MTUS1: variants seen among roughly 807,000 people sequenced by gnomAD.
MTUS1 encodes the protein microtubule-associated tumor suppressor 1.
A neutral mutation model predicts 120.8 loss-of-function variants in MTUS1; 109 were observed. The ratio of observed to expected loss-of-function variants is 0.90; its 90% CI spans 0.77 to 1.06. The LOEUF (loss-of-function observed/expected upper bound fraction) is 1.06, where lower values mean the gene tolerates loss of function less well. Ranked by LOEUF, MTUS1 falls within the 50% of genes least tolerant of loss-of-function variation. The pLI is 0.00. For synonymous variants in MTUS1, 737 were observed against 550.5 expected, an observed-to-expected ratio of 1.34 and a Z score of -4.74; for missense variants, 2,210 against 1,486.3, an observed-to-expected ratio of 1.49 and a Z score of -8.01.
chr8:17,794,988 G>A (rs1215577138), intron 1 of MTUS1, among the ~76,000 whole-genome samples: 1 of 152,072 alleles, frequency 6.6e-6, no homozygotes, highest in East Asian at 1.9e-4. Context: ...AAACATTAAG[G>A]AAAATAAATT....
intron 1 of MTUS1, among the ~76,000 whole-genome samples, chr8:17,797,998 G>A (rs77347792): frequency 0.039 from 6,000 of 152,032 alleles, 400 homozygotes; most frequent in African/African-American, 0.14. Context: ...TTTTAACTAC[G>A]TATGCAGTAC....
intron 1 of MTUS1, among the ~76,000 whole-genome samples, chr8:17,776,926 G>A (rs573684540): frequency 6.6e-6 from 1 of 152,136 alleles, no homozygotes; most frequent in East Asian, 1.9e-4. Flanking sequence ...CGCTTTCGGA[G>A]AGCAATTTCA....
intron 6 of MTUS1, among the ~76,000 whole-genome samples, chr8:17,710,311 C>T (rs1205337959): frequency 6.6e-6 from 1 of 152,192 alleles, no homozygotes; most frequent in Non-Finnish European, 1.5e-5. Flanking sequence ...GGAGTCAATC[C>T]TCTCAAACCC....
intron 1 of MTUS1, among the ~76,000 whole-genome samples, chr8:17,770,103 T>C (rs117751608): frequency 1.3e-5 from 2 of 152,316 alleles, no homozygotes; most frequent in Admixed American, 6.5e-5. Flanking sequence ...TGTAATAATA[T>C]ACAACATTTT....
chr8:17,769,222 G>C (rs1432395547), intron 1 of MTUS1, among the ~76,000 whole-genome samples: 1 of 125,410 alleles, frequency 8.0e-6, no homozygotes, highest in Non-Finnish European at 1.6e-5. Flanking sequence ...TCCAAAAAAT[G>C]CTTTTATTCC....
chr8:17,714,049 C>T (rs1020920798), intron 5 of MTUS1, among the ~76,000 whole-genome samples: 2 of 152,158 alleles, frequency 1.3e-5, no homozygotes, highest in East Asian at 1.9e-4. Context: ...TATCAAAGTT[C>T]AACAGCGTTA....
chr8:17,782,842 C>G (rs1271415568), intron 1 of MTUS1, among the ~76,000 whole-genome samples: 1 of 152,206 alleles, frequency 6.6e-6, no homozygotes, highest in Non-Finnish European at 1.5e-5. Flanking sequence ...CTTTGGGAGA[C>G]AGAGGTGGGT....
intron 1 of MTUS1, among the ~76,000 whole-genome samples, chr8:17,796,093 G>T (rs2052203861): frequency 6.6e-6 from 1 of 151,898 alleles, no homozygotes; most frequent in African/African-American, 2.4e-5. Flanking sequence ...GGGATTACAG[G>T]CGCCCACCAC....
chr8:17,736,491 G>A (rs2046938345), intron 3 of MTUS1, among the ~76,000 whole-genome samples: 1 of 152,180 alleles, frequency 6.6e-6, no homozygotes. Flanking sequence ...CCTTTCAGGT[G>A]TTTGCCCAAA....
chr8:17,674,895 A>T, intron 8 of MTUS1: 1 of 1,217,646 alleles, frequency 8.2e-7, no homozygotes. Context: ...TTTAACAGGA[A>T]TTCACACAAT....
intron 9 of MTUS1, among the ~76,000 whole-genome samples, 192 bp downstream of exon 9, chr8:17,655,671 C>A (rs927088427): frequency 6.6e-6 from 1 of 152,056 alleles, no homozygotes; most frequent in African/African-American, 2.4e-5. Context: ...CTGCAGTGAG[C>A]CAAGATCAAG....
At chr8:17,792,633 G>T (rs191966671) in intron 1 of MTUS1, among the ~76,000 whole-genome samples, 9 of 152,360 alleles carry the variant, frequency 5.9e-5, no homozygotes, top group African/African-American at 2.2e-4. Context: ...GAAGGACAAG[G>T]TGGACAGATC....
intron 7 of MTUS1, among the ~76,000 whole-genome samples, chr8:17,683,331 A>C (rs1330255365): frequency 3.3e-5 from 5 of 152,108 alleles, no homozygotes; most frequent in Non-Finnish European, 7.4e-5. Context: ...CAAGGCACAG[A>C]CCAAGTCTCA....
At chr8:17,653,347 C>T (rs545945477) in intron 11 of MTUS1, 66 bp from the exon 12 acceptor site, 7 of 1,511,198 alleles carry the variant, frequency 4.6e-6, no homozygotes, top group South Asian at 1.2e-5. Flanking sequence ...CATACGTACA[C>T]AGAAACATTA....
At position 17,675,328 on chromosome 8, in the gene MTUS1, A is replaced by G. The variant is rs985310799; in HGVS notation, c.2839-76T>C. The G allele has an allele frequency of 3.1e-6, 4 of 1,303,404 alleles. No individual in the cohort carries two copies. The African/African-American group carries it at 5.9e-5, about 19-fold the overall frequency. The allele number at this position is 1,303,404 out of a possible 1,614,324, so 80.7% of individuals were successfully genotyped here. A position where few individuals can be genotyped will look rare whatever the true frequency, so the allele number is the denominator to read the frequency against. ...AGTAAGGTACACATTTGTTATCACT[A>G]GGAAAATGAGACCCAGTATTGGGAA... is the stretch of plus-strand genomic sequence containing the variant. On this transcript the variant is annotated intron_variant, in intron 7 of 14. Coordinates refer to ENST00000693296, the MANE Select transcript of MTUS1 (RefSeq NM_001363059.2).
In MTUS1 at chr8:17,646,043, C is replaced by G; in HGVS notation, c.3696G>C (p.Trp1232Cys). 2 of 1,613,686 alleles carry G rather than the reference C, an allele frequency of 1.2e-6. No individual in the cohort carries two copies. Among genetic ancestry groups the G allele is most frequent in the Non-Finnish European group, 1.7e-6 (2 of 1,179,926 alleles). ...RLSMENEELL[W>C]KLHNGDLCSP... ...TACACAGGTCCCCATTGTGCAGTTT[C>G]CACAGAAGCTCCTCGTTTTCCATAG... Residue 1232 changes from tryptophan (W) to cysteine (C), a missense_variant, in exon 15 of 15, where the codon TGG (tryptophan) becomes TGC (cysteine). Physicochemically the swap from Trp to Cys is radical, Grantham distance 215. Transcript: ENST00000693296.
chr8:17,790,004 T>A (rs988876505), intron 1 of MTUS1, among the ~76,000 whole-genome samples: 1 of 152,164 alleles, frequency 6.6e-6, no homozygotes, highest in Non-Finnish European at 1.5e-5. Flanking sequence ...ACTAATTACC[T>A]GCCGCTCAGT....
chr8:17,710,078 T>C (rs1585863391), intron 6 of MTUS1, among the ~76,000 whole-genome samples: 1 of 152,140 alleles, frequency 6.6e-6, no homozygotes, highest in South Asian at 2.1e-4. Flanking sequence ...GAGCCTTCAG[T>C]GAGCAGGAAT....
intron 1 of MTUS1, among the ~76,000 whole-genome samples, chr8:17,783,174 G>A (rs2051025329): frequency 6.6e-6 from 1 of 152,194 alleles, no homozygotes; most frequent in Admixed American, 6.5e-5. Flanking sequence ...TTGACTCTGA[G>A]CTACAGCTCC....
Sources: allele counts gnomAD v4.1 joint callset (sites outside exome capture counted in the v4.1 genomes callset), GRCh38; gene constraint gnomAD v4.1.1; transcripts MANE v1.5; gene names NCBI Gene and HGNC (gene_info 2026-07-23, HGNC 2026-07-21).